The following PSTK variants were observed in gnomAD, a reference collection of about 807,000 sequenced individuals.
PSTK encodes the protein L-seryl-tRNA(Sec) kinase.
PSTK carries 26 observed loss-of-function variants against 38.6 expected under a neutral mutation model. The ratio of observed to expected loss-of-function variants is 0.67; its 90% CI spans 0.49 to 0.94. PSTK has a LOEUF of 0.94. Among genes scored for constraint, PSTK ranks in the 40% least tolerant of loss-of-function variants. The probability of loss-of-function intolerance (pLI) is 0.00; values close to 1 mark genes in which losing one functional copy is unlikely to be tolerated. For synonymous variants in PSTK, 181 were observed against 161.7 expected (o/e 1.12, Z -0.91); for missense variants, 445 against 436.3 (o/e 1.02, Z -0.18).
Position 122,986,283 on chromosome 10 carries a change from T to A in PSTK, c.708-17T>A. On this transcript the variant is annotated splice_polypyrimidine_tract_variant and intron_variant, in intron 3 of 5. Transcript: ENST00000406217. ...GGATATAAGGATCTATTGTATTTTA[T>A]CCCATTTTCTCTGTAGCCTGGAAGT... is the stretch of plus-strand genomic sequence containing the variant. 2.0e-6 allele frequency: 3 copies of A among 1,495,696 alleles called. No individual in the cohort carries two copies. The highest frequency in any genetic ancestry group is 1.8e-4 in the Middle Eastern group (1 of 5,494). 92.7% of individuals were successfully genotyped at this position (1,495,696 alleles called of 1,614,324 possible).
chr10:122,989,277 A>G (rs1352077900), intron 5 of PSTK, among the ~76,000 whole-genome samples: 2 of 151,898 alleles, frequency 1.3e-5, no homozygotes, highest in Non-Finnish European at 2.9e-5. Flanking sequence ...TTTGAGATGG[A>G]GTCTTGCTCT....
At chr10:122,984,413 G>C (rs1177787105) in intron 3 of PSTK, 1 of 152,188 alleles carries the variant, frequency 6.6e-6, no homozygotes, top group Non-Finnish European at 1.5e-5. Context: ...TTACGAGCAT[G>C]AGCTATCACC....
chr10:122,983,428 A>G lies in PSTK; in HGVS notation c.665A>G (p.Asn222Ser). Residue 222 changes from asparagine (N) to serine (S), a missense_variant, in exon 3 of 6, where the codon AAC (asparagine) becomes AGC (serine). Coordinates refer to ENST00000406217, the MANE Select transcript of PSTK (RefSeq NM_001363531.2). ...PNPEKNAWEH[N>S]SLTIPSPACA... ...CCTGAGAAAAATGCTTGGGAACACAACAGCCTCACAATTCCGAGTCCAGCA... is the reference window on the plus strand; with the variant it reads ...CCTGAGAAAAATGCTTGGGAACACAGCAGCCTCACAATTCCGAGTCCAGCA... 1.2e-6 allele frequency: 2 copies of G among 1,613,928 alleles called. No individual in the cohort carries two copies. Among genetic ancestry groups the G allele is most frequent in the Non-Finnish European group, 1.7e-6 (2 of 1,180,020 alleles).
Position 122,982,972 on chromosome 10 carries a change from CA to C in PSTK, c.458del (p.Asn153IlefsTer7), listed in dbSNP as rs753483679. On this transcript the variant is annotated frameshift_variant, in exon 2 of 6. Coordinates refer to ENST00000406217, the MANE Select transcript of PSTK (RefSeq NM_001363531.2). LOFTEE classifies it high-confidence loss of function. ...GACCTTTGTTTTTGGTTTTGGATGA[CA>C]ATTTTTATTATCAGAGTATGAGATA... ...SRPLFLVLDDNFYYQSMRYEV... is the reference protein window; with the variant it reads ...SRPLFLVLDDXFYYQSMRYEV... 2.5e-6 allele frequency: 4 copies of C among 1,613,980 alleles called. No individual in the cohort carries two copies. The highest frequency in any genetic ancestry group is 3.4e-6 in the Non-Finnish European group (4 of 1,179,998).
Position 122,982,983 on chromosome 10 carries a change from A to G in PSTK, c.467A>G (p.Tyr156Cys). Residue 156 changes from tyrosine to cysteine, a missense_variant, in exon 2 of 6, where the codon TAT (tyrosine) becomes TGT (cysteine). Transcript: ENST00000406217. ...LFLVLDDNFY[Y>C]QSMRYEVYQL... ...TTGGTTTTGGATGACAATTTTTATT[A>G]TCAGAGTATGAGATATGAAGTCTAC... 6.2e-7 allele frequency: 1 copy of G among 1,614,204 alleles called. No individual in the cohort carries two copies. The highest frequency in any genetic ancestry group is 1.1e-5 in the South Asian group (1 of 91,084).
In PSTK at chr10:122,986,382, T is replaced by C. The variant is rs200643443; in HGVS notation, c.783+7T>C. The C allele has an allele frequency of 1.3e-6, 2 of 1,585,270 alleles. No homozygotes were observed. Among genetic ancestry groups the C allele is most frequent in the African/African-American group, 1.3e-5 (1 of 74,448 alleles). Reference sequence around the variant, plus strand: ...GGACAATATGGAACAAAAGGTAAACTTCCAGTGTAAATTTAATGTAAATGA... The same window carrying C: ...GGACAATATGGAACAAAAGGTAAACCTCCAGTGTAAATTTAATGTAAATGA... On this transcript the variant is annotated splice_region_variant and intron_variant, in intron 4 of 5. Coordinates refer to ENST00000406217, the MANE Select transcript of PSTK (RefSeq NM_001363531.2).
At chr10:122,986,733 C>G (rs1196777932) in intron 4 of PSTK, 136 bp from the exon 5 acceptor site, 2 of 628,108 alleles carry the variant, frequency 3.2e-6, no homozygotes, top group Non-Finnish European at 5.5e-6. Context: ...GTTGGACTCT[C>G]TTGTAGGGAA....
rs1328063111 is a variant in PSTK at position 122,986,293 on chromosome 10, T to C, written c.708-7T>C. The C allele has an allele frequency of 6.4e-7, 1 of 1,574,572 alleles. No homozygotes were observed. The highest frequency in any genetic ancestry group is 8.6e-7 in the Non-Finnish European group (1 of 1,156,782). On this transcript the variant is annotated splice_region_variant and splice_polypyrimidine_tract_variant and intron_variant, in intron 3 of 5. Coordinates refer to ENST00000406217, the MANE Select transcript of PSTK (RefSeq NM_001363531.2). Reference sequence around the variant, plus strand: ...ATCTATTGTATTTTATCCCATTTTCTCTGTAGCCTGGAAGTGACTGATTTA... The same window carrying C: ...ATCTATTGTATTTTATCCCATTTTCCCTGTAGCCTGGAAGTGACTGATTTA...
Position 122,990,383 on chromosome 10 carries a change from AC to A in PSTK, c.*11del, listed in dbSNP as rs1687265773. On this transcript the variant is annotated 3_prime_UTR_variant, in exon 6 of 6. Transcript: ENST00000406217. ...TTCAAAGCAGCATTAAAATTTCTGA[AC>A]TGCCAATCAAATGTCTCATTTTGGT... 1.4e-6 allele frequency: 2 copies of A among 1,387,668 alleles called. No homozygotes were observed. The highest frequency in any genetic ancestry group is 3.0e-5 in the African/African-American group (2 of 66,912). The allele number at this position is 1,387,668 out of a possible 1,614,324, so 86.0% of individuals were successfully genotyped here. A position where few individuals can be genotyped will look rare whatever the true frequency, so the allele number is the denominator to read the frequency against.
intron 5 of PSTK, 67 bp from the exon 6 acceptor site, chr10:122,990,107 A>G (rs1378846621): frequency 5.8e-6 from 6 of 1,028,664 alleles, no homozygotes; most frequent in East Asian, 2.8e-5. Context: ...TTAATTTCCT[A>G]ATGTCATTAG....
intron 3 of PSTK, 134 bp downstream of exon 3, chr10:122,983,604 A>G (rs1270825311): frequency 3.9e-6 from 3 of 773,784 alleles, no homozygotes; most frequent in African/African-American, 3.5e-5. Context: ...TGTGGAAGCT[A>G]AAAGTGAAAT....
Position 122,980,750 on chromosome 10 carries a change from C to CGGGGT in PSTK, c.216+59_216+60insTGGGG. 1 of 69,828 alleles carries CGGGGT rather than the reference C, an allele frequency of 1.4e-5. No homozygotes were observed. Among genetic ancestry groups the CGGGGT allele is most frequent in the Non-Finnish European group, 2.0e-5 (1 of 49,706 alleles). The allele number at this position is 69,828 out of a possible 1,614,324, so 4.3% of individuals were successfully genotyped here. ...CGGGGCGGGGCGGGGCGGGGCGGGGCGGGGCGGGGACACTCGCGTCCACGC... is the reference window on the plus strand; with the variant it reads ...CGGGGCGGGGCGGGGCGGGGCGGGGCGGGGTGGGGCGGGGACACTCGCGTCCACGC... On this transcript the variant is annotated intron_variant, in intron 1 of 5. Transcript: ENST00000406217. The surrounding 1 kb of genome is among the most constrained non-coding windows in gnomAD (Gnocchi z 4.3).
rs1589705439 is a variant in PSTK, at chr10:122,980,757, G to GGGACA, written c.216+63_216+67dup. The GGGACA allele has an allele frequency of 1.6e-6, 2 of 1,287,802 alleles. No homozygotes were observed. Among genetic ancestry groups the GGGACA allele is most frequent in the East Asian group, 6.6e-5 (2 of 30,170 alleles). 79.8% of individuals were successfully genotyped at this position (1,287,802 alleles called of 1,614,324 possible). On this transcript the variant is annotated intron_variant, in intron 1 of 5. Coordinates refer to ENST00000406217, the MANE Select transcript of PSTK (RefSeq NM_001363531.2). This position sits in a 1 kb window ranked among gnomAD's most constrained non-coding sequence, Gnocchi z 4.3. ...GGGCGGGGCGGGGCGGGGCGGGGCG[G>GGGACA]GGACACTCGCGTCCACGCGGTCCTG...
chr10:122,981,260 T>C (rs562621989), intron 1 of PSTK, among the ~76,000 whole-genome samples: 1 of 152,340 alleles, frequency 6.6e-6, no homozygotes, highest in East Asian at 1.9e-4. Context: ...GCTTAATCTT[T>C]GTTCATCTCA....
intron 5 of PSTK, among the ~76,000 whole-genome samples, chr10:122,988,950 G>A (rs934436174): frequency 3.9e-5 from 6 of 151,990 alleles, no homozygotes; most frequent in East Asian, 1.9e-4. Context: ...CCACATGTCC[G>A]TCAGCTGACC....
At chr10:122,984,366 A>G (rs1341190913) in intron 3 of PSTK, 1 of 152,216 alleles carries the variant, frequency 6.6e-6, no homozygotes, top group Admixed American at 6.5e-5. Context: ...CGTGGCCTCA[A>G]GCAATTCTTC....
At chr10:122,982,453 G>A (rs546043352) in intron 1 of PSTK, 33 of 415,262 alleles carry the variant, frequency 7.9e-5, no homozygotes, top group Non-Finnish European at 1.4e-4. Flanking sequence ...CTAGAGTGGA[G>A]ATATATGTAT....
At chr10:122,987,613 T>C (rs1386077490) in intron 5 of PSTK, 1 of 1,430,756 alleles carries the variant, frequency 7.0e-7, no homozygotes, top group Admixed American at 2.3e-5. Flanking sequence ...AAATATGTGG[T>C]AACTAGAGTT....
rs761418548 is a variant in PSTK, at chr10:122,980,680, A to G, written c.201A>G (p.Ala67=). Residue 67 remains alanine, a synonymous_variant, in exon 1 of 6, where the codon GCA becomes GCG. Transcript: ENST00000406217. The surrounding 1 kb of genome is among the most constrained non-coding windows in gnomAD (Gnocchi z 4.3). The part of the protein sequence containing the change: ...DVMPDAFLAG[A]RARPAPSQWK... ...TGCCCGACGCGTTTCTCGCCGGGGC[A>G]AGAGCGCGACCGGCGGTCAGCACGG... 2.6e-5 allele frequency: 39 copies of G among 1,500,048 alleles called. No individual in the cohort carries two copies. Among genetic ancestry groups the G allele is most frequent in the South Asian group, 1.5e-4 (13 of 87,210 alleles). 92.9% of individuals were successfully genotyped at this position (1,500,048 alleles called of 1,614,324 possible).
Sources: allele counts gnomAD v4.1 joint callset (sites outside exome capture counted in the v4.1 genomes callset), GRCh38; gene constraint gnomAD v4.1.1; non-coding constraint Gnocchi (gnomAD v3.1); transcripts MANE v1.5; gene names NCBI Gene and HGNC (gene_info 2026-07-23, HGNC 2026-07-21).